Variants in MALRD1 observed in about 807,000 individuals in gnomAD.
MALRD1 encodes MAM and LDL-receptor class A domain-containing protein 1.
Under a neutral mutation model 242.1 loss-of-function variants are expected in MALRD1, and 247 were observed. That is an observed-to-expected ratio of 1.02 (90% confidence interval 0.92 to 1.13). MALRD1 has a LOEUF of 1.13. Ranked by LOEUF, MALRD1 falls within the 50% of genes most tolerant of loss-of-function variation. The probability of loss-of-function intolerance (pLI) is 0.00; values close to 1 mark genes in which losing one functional copy is unlikely to be tolerated. For synonymous variants in MALRD1, 995 were observed against 866.6 expected (o/e 1.15, Z -2.60); for missense variants, 2,989 against 2,533.1 (o/e 1.18, Z -3.86).
Position 19,595,186 on chromosome 10 carries a change from T to A in MALRD1, c.5681-8T>A, listed in dbSNP as rs1189884521. 6.5e-7 allele frequency: 1 copy of A among 1,543,212 alleles called. No homozygotes were observed. Among genetic ancestry groups the A allele is most frequent in the Non-Finnish European group, 8.8e-7 (1 of 1,141,920 alleles). On this transcript the variant is annotated splice_polypyrimidine_tract_variant and splice_region_variant and intron_variant, in intron 33 of 39. Coordinates refer to ENST00000454679, the MANE Select transcript of MALRD1 (RefSeq NM_001142308.3). ...TGCCAAAATAACTTGACTTGCTCTCTTTTTTAGGTCCTGTCCCAGTGCAGC... is the reference window on the plus strand; with the variant it reads ...TGCCAAAATAACTTGACTTGCTCTCATTTTTAGGTCCTGTCCCAGTGCAGC...
chr10:19,390,863 C>A (rs1291493643), intron 28 of MALRD1, among the ~76,000 whole-genome samples: 1 of 152,082 alleles, frequency 6.6e-6, no homozygotes, highest in African/African-American at 2.4e-5. Context: ...TAATAAAATA[C>A]ATGTTGCAAG....
chr10:19,620,019 A>T (rs892850351), intron 36 of MALRD1, among the ~76,000 whole-genome samples: 6 of 58,516 alleles, frequency 1.0e-4, no homozygotes, highest in African/African-American at 1.4e-4. Context: ...TAATAATAAT[A>T]AATAATAATA....
intron 26 of MALRD1, among the ~76,000 whole-genome samples, chr10:19,381,767 A>T (rs1310420396): frequency 6.6e-6 from 1 of 151,914 alleles, no homozygotes; most frequent in Non-Finnish European, 1.5e-5. Context: ...TGAATCTGGG[A>T]GGTGGAGTTT....
chr10:19,588,252 G>A (rs1023258637), intron 33 of MALRD1, among the ~76,000 whole-genome samples: 47 of 151,862 alleles, frequency 3.1e-4, no homozygotes, highest in South Asian at 2.3e-3. Flanking sequence ...TCTTCAGTTC[G>A]TCCATTTTGA....
chr10:19,569,216 C>T (rs929795183), intron 33 of MALRD1, among the ~76,000 whole-genome samples: 6 of 152,018 alleles, frequency 3.9e-5, no homozygotes, highest in African/African-American at 1.4e-4. Context: ...ATGGGGACCA[C>T]TAAATATGCT....
chr10:19,634,885 G>A (rs561001401), intron 36 of MALRD1, among the ~76,000 whole-genome samples: 46 of 152,258 alleles, frequency 3.0e-4, no homozygotes, highest in African/African-American at 1.1e-3. Flanking sequence ...TCAACAAAAA[G>A]TGCTTCCAGG....
intron 21 of MALRD1, among the ~76,000 whole-genome samples, chr10:19,296,673 C>T (rs1368678400): frequency 6.6e-6 from 1 of 152,020 alleles, no homozygotes; most frequent in East Asian, 1.9e-4. Context: ...ATTTAAATAT[C>T]TTATTGGCTA....
At chr10:19,180,381 C>G (rs962223363) in intron 14 of MALRD1, among the ~76,000 whole-genome samples, 6 of 152,106 alleles carry the variant, frequency 3.9e-5, no homozygotes, top group African/African-American at 1.4e-4. Flanking sequence ...CCTCGAGAAA[C>G]ATAATCTATT....
intron 29 of MALRD1, among the ~76,000 whole-genome samples, chr10:19,479,939 A>G (rs1383100262): frequency 2.0e-5 from 3 of 152,134 alleles, no homozygotes; most frequent in African/African-American, 4.8e-5. Context: ...CTCACATTCC[A>G]TGGGTTAGAA....
rs1458943690 is a variant in MALRD1 at position 19,118,443 on chromosome 10, C to T, written c.695-5049C>T. ...AAGGCAGAACAACTGGAAGAGGGGG[C>T]TTCCAGGTCATAGGTGGATTCATAG... is the stretch of plus-strand genomic sequence containing the variant. On this transcript the variant is annotated intron_variant, in intron 5 of 39. Transcript: ENST00000454679. 7.9e-5 allele frequency among the ~76,000 whole-genome samples: 12 copies of T among 152,234 alleles called. No homozygotes were observed. The East Asian group carries it at 2.1e-3, about 27-fold the overall frequency.
At chr10:19,079,420 C>G (rs548400793) in intron 2 of MALRD1, among the ~76,000 whole-genome samples, 1 of 151,858 alleles carries the variant, frequency 6.6e-6, no homozygotes, top group South Asian at 2.1e-4. Context: ...GGAGAATGTT[C>G]TGTGTGTAGT....
chr10:19,103,561 A>AAAAT (rs1564393378), intron 4 of MALRD1, among the ~76,000 whole-genome samples: 3 of 146,742 alleles, frequency 2.0e-5, no homozygotes, highest in Admixed American at 6.7e-5. Context: ...CAAAAAAAAA[A>AAAAT]AAAATAAATA....
chr10:19,456,651 C>T (rs369434637), intron 29 of MALRD1, among the ~76,000 whole-genome samples: 2 of 151,970 alleles, frequency 1.3e-5, no homozygotes, highest in Non-Finnish European at 2.9e-5. Flanking sequence ...TCAGATCGCT[C>T]GCAGTCTTCT....
chr10:19,542,673 G>C (rs1835023753), intron 32 of MALRD1, among the ~76,000 whole-genome samples: 1 of 152,030 alleles, frequency 6.6e-6, no homozygotes, highest in Non-Finnish European at 1.5e-5. Context: ...ATGTGTGAAA[G>C]AATGATAGCT....
intron 18 of MALRD1, among the ~76,000 whole-genome samples, chr10:19,254,415 C>G (rs1430440634): frequency 6.6e-6 from 1 of 151,920 alleles, no homozygotes; most frequent in African/African-American, 2.4e-5. Context: ...CTGTATAAAC[C>G]TTGTTAATGG....
intron 18 of MALRD1, among the ~76,000 whole-genome samples, chr10:19,251,082 G>A (rs1839274614): frequency 6.6e-6 from 1 of 151,936 alleles, no homozygotes; most frequent in Admixed American, 6.6e-5. Flanking sequence ...CCTTCCTTCA[G>A]AAGAGTATGA....
rs553239658 is a variant in MALRD1, at chr10:19,209,546, C to A, written c.2857C>A (p.Arg953Ser). ...FRFYYHMFGK[R>S]IYRLAIYQRI... ...CTTCTATTACCACATGTTTGGAAAGCGCATTTATAGGTTGGCAATCTACCA... is the reference window on the plus strand; with the variant it reads ...CTTCTATTACCACATGTTTGGAAAGAGCATTTATAGGTTGGCAATCTACCA... Residue 953 changes from arginine (R) to serine (S), a missense_variant, in exon 18 of 40, where the codon CGC becomes AGC. Arg to Ser is a moderately radical substitution (Grantham distance 110, BLOSUM62 -1). Coordinates refer to ENST00000454679, the MANE Select transcript of MALRD1 (RefSeq NM_001142308.3). 2.6e-6 allele frequency: 4 copies of A among 1,550,758 alleles called. No homozygotes were observed. Among genetic ancestry groups the A allele is most frequent in the South Asian group, 1.2e-5 (1 of 84,058 alleles).
At chr10:19,107,784 ATTTG>A (rs1419265120) in intron 5 of MALRD1, among the ~76,000 whole-genome samples, 1 of 133,134 alleles carries the variant, frequency 7.5e-6, no homozygotes, top group Non-Finnish European at 1.7e-5. Context: ...TCTATTTCTC[ATTTG>A]TTTATCTGCT....
chr10:19,583,428 C>T (rs1467026128), intron 33 of MALRD1, among the ~76,000 whole-genome samples: 3 of 150,610 alleles, frequency 2.0e-5, no homozygotes, highest in Non-Finnish European at 4.4e-5. Flanking sequence ...GAGTTTTTAG[C>T]ATGAAGGGTT....
Sources: gnomAD v4.1 joint callset for allele counts (sites outside exome capture counted in the v4.1 genomes callset) on GRCh38, gnomAD v4.1.1 for gene constraint, MANE v1.5 for transcripts, NCBI Gene and HGNC (gene_info 2026-07-23, HGNC 2026-07-21) for gene names.